VAV2: variants seen among roughly 807,000 people sequenced by gnomAD.
The protein encoded by VAV2 is vav guanine nucleotide exchange factor 2, also known as guanine nucleotide exchange factor VAV2.
A neutral mutation model predicts 132.5 loss-of-function variants in VAV2; 67 were observed. The observed-to-expected ratio is 0.51, with a 90% CI of 0.42 to 0.62. VAV2 has a LOEUF of 0.62. VAV2 is among the 20% of genes least tolerant of loss of function. The pLI is 0.00. For missense variants in VAV2, 938 were observed against 1,153.6 expected (o/e 0.81, Z 2.71); for synonymous variants, 492 against 443.5 (o/e 1.11, Z -1.37).
Position 133,991,931 on chromosome 9 carries a change from T to C in VAV2, c.204+144A>G, listed in dbSNP as rs1018884439. On this transcript the variant is annotated intron_variant, in intron 1 of 29. Coordinates refer to ENST00000371850, the MANE Select transcript of VAV2 (RefSeq NM_001134398.2). This position sits in a 1 kb window ranked among gnomAD's most constrained non-coding sequence, Gnocchi z 4.8. Reference sequence around the variant, plus strand: ...CGTCTCGGAGGCCCGGGGCGCACCCTCCAGCCGCCCGCCCGCGTCCCGGAG... The same window carrying C: ...CGTCTCGGAGGCCCGGGGCGCACCCCCCAGCCGCCCGCCCGCGTCCCGGAG... 1.0e-3 allele frequency: 618 copies of C among 614,632 alleles called. 1 individual carries two copies. Among genetic ancestry groups the C allele is most frequent in the Middle Eastern group, 6.0e-3 (8 of 1,324 alleles). 38.1% of individuals were successfully genotyped at this position (614,632 alleles called of 1,614,324 possible). A position where few individuals can be genotyped will look rare whatever the true frequency, so the allele number is the denominator to read the frequency against.
At chr9:133,939,699 T>C (rs568909500) in intron 1 of VAV2, among the ~76,000 whole-genome samples, 14 of 152,366 alleles carry the variant, frequency 9.2e-5, no homozygotes, top group African/African-American at 2.9e-4. Context: ...GGATGGCGCA[T>C]GCTCACGTGG....
intron 2 of VAV2, among the ~76,000 whole-genome samples, chr9:133,874,582 A>G (rs1319449928): frequency 1.3e-5 from 2 of 152,094 alleles, no homozygotes; most frequent in African/African-American, 4.8e-5. Context: ...ACCCGCCCAG[A>G]CCTTGAGGCC....
intron 22 of VAV2, 143 bp from the exon 23 acceptor site, chr9:133,777,606 C>T: frequency 2.5e-6 from 2 of 797,326 alleles, no homozygotes; most frequent in Admixed American, 2.4e-5. Flanking sequence ...CCTCAGCTGA[C>T]CCGGCAGCCA....
chr9:133,853,106 A>T (rs993940484), intron 3 of VAV2, among the ~76,000 whole-genome samples: 4 of 152,198 alleles, frequency 2.6e-5, no homozygotes, highest in Non-Finnish European at 4.4e-5. Flanking sequence ...GTCAGGTAAA[A>T]GCCGTGGCAG....
At chr9:133,960,957 A>C (rs995061410) in intron 1 of VAV2, among the ~76,000 whole-genome samples, 1 of 152,234 alleles carries the variant, frequency 6.6e-6, no homozygotes, top group Non-Finnish European at 1.5e-5. Flanking sequence ...TGGTGAGCAC[A>C]GAGGCAGGAG....
rs917741988 is a variant in VAV2, at chr9:133,926,672, G to A, written c.321+12431C>T. On this transcript the variant is annotated intron_variant, in intron 2 of 29. Transcript: ENST00000371850. The surrounding 1 kb of genome is among the most constrained non-coding windows in gnomAD (Gnocchi z 4.3). Reference sequence around the variant, plus strand: ...CCTGGTGAACTGCAGCTCACATCTCGAACCCCAGCACCTCCTCCAGGAAGC... The same window carrying A: ...CCTGGTGAACTGCAGCTCACATCTCAAACCCCAGCACCTCCTCCAGGAAGC... 2.6e-5 allele frequency among the ~76,000 whole-genome samples: 4 copies of A among 151,966 alleles called. No individual in the cohort carries two copies. The highest frequency in any genetic ancestry group is 7.3e-5 in the African/African-American group (3 of 41,356).
At chr9:133,869,619 T>TA (rs1277407584) in intron 2 of VAV2, among the ~76,000 whole-genome samples, 33 of 151,926 alleles carry the variant, frequency 2.2e-4, no homozygotes, top group Non-Finnish European at 2.4e-4. Context: ...CAAAAATAAG[T>TA]AAAAATTAAA....
chr9:133,777,933 C>T (rs531033002), intron 22 of VAV2, among the ~76,000 whole-genome samples: 4 of 152,188 alleles, frequency 2.6e-5, no homozygotes, highest in Non-Finnish European at 5.9e-5. Flanking sequence ...TCAGCTCCCG[C>T]GGGAAGCTAC....
intron 1 of VAV2, among the ~76,000 whole-genome samples, chr9:133,962,845 C>T (rs1842009549): frequency 6.6e-6 from 1 of 152,204 alleles, no homozygotes; most frequent in Non-Finnish European, 1.5e-5. Flanking sequence ...TTCAAAACCA[C>T]ATTGAGCGCT....
At position 133,780,050 on chromosome 9, in the gene VAV2, G is replaced by T. The variant is rs116706914; in HGVS notation, c.1741-111C>A. The stretch of plus-strand genomic sequence containing the variant: ...TCCCCACTAGTTCCTAGATAGAGGG[G>T]TCAAGGCAGGAGCAGGGGAGGAGAG... On this transcript the variant is annotated intron_variant, in intron 20 of 29. Transcript: ENST00000371850. 476 of 1,454,560 alleles carry T rather than the reference G, an allele frequency of 3.3e-4. 2 individuals are homozygous for T. The African/African-American group carries it at 6.0e-3, about 18-fold the overall frequency. 90.1% of individuals were successfully genotyped at this position (1,454,560 alleles called of 1,614,324 possible).
chr9:133,913,542 C>T (rs1318799453), intron 2 of VAV2, among the ~76,000 whole-genome samples: 1 of 152,240 alleles, frequency 6.6e-6, no homozygotes. Context: ...GCCCCATCTG[C>T]CCTTGGTAAA....
intron 10 of VAV2, among the ~76,000 whole-genome samples, chr9:133,796,768 C>T (rs1001741919): frequency 2.0e-5 from 3 of 152,152 alleles, no homozygotes; most frequent in African/African-American, 7.2e-5. Context: ...CAGTGAGACA[C>T]GTGCGATGCT....
At position 133,770,358 on chromosome 9, in the gene VAV2, C is replaced by T. The variant is rs373168171; in HGVS notation, c.2347+20G>A. On this transcript the variant is annotated intron_variant, in intron 27 of 29. Transcript: ENST00000371850. ...ACCCCTCCGAGGAGTGCTGGTGTGCCGGCTGGGCCGGGGCGTTACCTGGGG... is the reference window on the plus strand; with the variant it reads ...ACCCCTCCGAGGAGTGCTGGTGTGCTGGCTGGGCCGGGGCGTTACCTGGGG... 108 of 1,613,414 alleles carry T rather than the reference C, an allele frequency of 6.7e-5. 1 individual carries two copies. The African/African-American group carries it at 8.9e-4, about 13-fold the overall frequency.
chr9:133,900,243 G>A (rs980554723), intron 2 of VAV2, among the ~76,000 whole-genome samples: 1 of 151,740 alleles, frequency 6.6e-6, no homozygotes, highest in Non-Finnish European at 1.5e-5. Flanking sequence ...TAAAACCATG[G>A]ACCCATTTTA....
intron 1 of VAV2, among the ~76,000 whole-genome samples, chr9:133,952,860 A>G (rs949565731): frequency 6.7e-5 from 10 of 150,216 alleles, no homozygotes; most frequent in African/African-American, 2.5e-4. Flanking sequence ...TGGAGGGAGC[A>G]TGGCCCCCGG....
Position 133,956,976 on chromosome 9 carries a change from A to G in VAV2, c.205-17757T>C, listed in dbSNP as rs1488914113. 2.0e-5 allele frequency among the ~76,000 whole-genome samples: 3 copies of G among 152,244 alleles called. No individual in the cohort carries two copies. In the East Asian group the frequency reaches 5.8e-4, roughly 29 times the overall value. ...CTGGGCGCACCTGTTTGCAGTCACA[A>G]AAAGGGCAGACTGCAGCACCCACCC... On this transcript the variant is annotated intron_variant, in intron 1 of 29. Transcript: ENST00000371850.
At chr9:133,876,007 C>T (rs1838248405) in intron 2 of VAV2, among the ~76,000 whole-genome samples, 1 of 152,232 alleles carries the variant, frequency 6.6e-6, no homozygotes, top group Non-Finnish European at 1.5e-5. Flanking sequence ...CATCTCCTGC[C>T]CTCGGACATC....
intron 2 of VAV2, among the ~76,000 whole-genome samples, chr9:133,901,059 C>T (rs1363536879): frequency 6.6e-6 from 1 of 152,184 alleles, no homozygotes; most frequent in African/African-American, 2.4e-5. Flanking sequence ...CTCAGCCTCC[C>T]AAAGTGCTGA....
chr9:133,930,585 T>C (rs533894499), intron 2 of VAV2, among the ~76,000 whole-genome samples: 50 of 152,358 alleles, frequency 3.3e-4, no homozygotes, highest in Admixed American at 2.1e-3. Context: ...GCCGAGCAGA[T>C]AAAAACGGGG....
Sources: allele counts gnomAD v4.1 joint callset (sites outside exome capture counted in the v4.1 genomes callset), GRCh38; gene constraint gnomAD v4.1.1; non-coding constraint Gnocchi (gnomAD v3.1); transcripts MANE v1.5; gene names NCBI Gene and HGNC (gene_info 2026-07-23, HGNC 2026-07-21).